Variants in PPARGC1A observed in about 807,000 individuals in gnomAD.
The protein encoded by PPARGC1A is PPARG coactivator 1 alpha, also known as peroxisome proliferator-activated receptor gamma coactivator 1-alpha.
A neutral mutation model predicts 88.7 loss-of-function variants in PPARGC1A; 25 were observed. That is an observed-to-expected ratio of 0.28 (90% CI 0.21 to 0.39). The LOEUF is 0.39. PPARGC1A is among the 10% of genes least tolerant of loss of function. The pLI, the probability that PPARGC1A is intolerant of heterozygous loss-of-function variation, is 1.00. For missense variants in PPARGC1A, 880 were observed against 968.7 expected, an observed-to-expected ratio of 0.91 and a Z score of 1.22; for synonymous variants, 363 against 355.6, an observed-to-expected ratio of 1.02 and a Z score of -0.24.
chr4:24,091,809 G>A, the PPARGC1A span, among the ~76,000 whole-genome samples: 3 of 152,042 alleles, frequency 2.0e-5, no homozygotes, highest in East Asian at 3.9e-4. Context: ...CAGGGCCGGT[G>A]GACAATGGGT....
At chr4:24,356,086 A>T in the PPARGC1A span, among the ~76,000 whole-genome samples, 6 of 151,882 alleles carry the variant, frequency 4.0e-5, no homozygotes, top group African/African-American at 1.5e-4. Context: ...AATCCCAGCT[A>T]CTCAGGAGGC....
chr4:23,983,441 C>T, the PPARGC1A span, among the ~76,000 whole-genome samples: 1 of 152,112 alleles, frequency 6.6e-6, no homozygotes, highest in African/African-American at 2.4e-5. Flanking sequence ...GCAGCAACAA[C>T]TCATGCTGGA....
chr4:24,226,711 C>A, the PPARGC1A span, among the ~76,000 whole-genome samples: 2 of 152,210 alleles, frequency 1.3e-5, no homozygotes, highest in African/African-American at 4.8e-5. Flanking sequence ...GCAAGTCACA[C>A]AACCTGCCAG....
the PPARGC1A span, among the ~76,000 whole-genome samples, chr4:24,270,279 A>T: frequency 1.3e-5 from 2 of 151,746 alleles, no homozygotes; most frequent in African/African-American, 4.8e-5. Flanking sequence ...TGACAATCAC[A>T]TAAGTCAATC....
the PPARGC1A span, among the ~76,000 whole-genome samples, chr4:24,294,227 T>C: frequency 1.3e-5 from 2 of 152,150 alleles, no homozygotes; most frequent in Non-Finnish European, 2.9e-5. Context: ...TTTGTGAAAA[T>C]TTAATGTGAT....
the PPARGC1A span, among the ~76,000 whole-genome samples, chr4:24,007,654 G>A: frequency 1.3e-5 from 2 of 152,132 alleles, no homozygotes; most frequent in African/African-American, 4.8e-5. Flanking sequence ...CACATCCCTG[G>A]AGCCCAAAGA....
chr4:24,278,279 C>G, the PPARGC1A span, among the ~76,000 whole-genome samples: 3 of 152,090 alleles, frequency 2.0e-5, no homozygotes, highest in Non-Finnish European at 2.9e-5. Flanking sequence ...TACAATGTAC[C>G]AAGCATAATT....
At chr4:24,251,841 C>T in the PPARGC1A span, among the ~76,000 whole-genome samples, 1 of 152,190 alleles carries the variant, frequency 6.6e-6, no homozygotes, top group Admixed American at 6.5e-5. Flanking sequence ...GAGTTCATTA[C>T]AGTGTCCAAC....
At chr4:24,385,358 C>A in the PPARGC1A span, among the ~76,000 whole-genome samples, 8 of 152,042 alleles carry the variant, frequency 5.3e-5, no homozygotes, top group Non-Finnish European at 1.2e-4. Flanking sequence ...CAAACAAATT[C>A]AAAAGCTAGC....
the PPARGC1A span, among the ~76,000 whole-genome samples, chr4:24,403,472 TAGAATTGC>T: frequency 6.6e-6 from 1 of 152,194 alleles, no homozygotes; most frequent in Admixed American, 6.5e-5. Context: ...TCCCCAGATT[TAGAATTGC>T]AGAATTGCAG....
the PPARGC1A span, among the ~76,000 whole-genome samples, chr4:24,027,249 G>GTGTGTGTGTGTGTGTGTGTA: frequency 1.3e-5 from 2 of 149,396 alleles, no homozygotes; most frequent in Non-Finnish European, 1.5e-5. Context: ...GTGTGTGTGC[G>GTGTGTGTGTGTGTGTGTGTA]TGCATATTTT....
chr4:24,345,788 A>C, the PPARGC1A span, among the ~76,000 whole-genome samples: 1 of 151,982 alleles, frequency 6.6e-6, no homozygotes, highest in Non-Finnish European at 1.5e-5. Context: ...CTCTTGCCTG[A>C]TTGCTCTGGT....
the PPARGC1A span, among the ~76,000 whole-genome samples, chr4:23,974,817 T>TTTTTTTTTTTTTTTTTTTTTTTTTG: frequency 7.3e-6 from 1 of 137,416 alleles, no homozygotes. Flanking sequence ...TTTTTTTTTT[T>TTTTTTTTTTTTTTTTTTTTTTTTTG]TTTTTTTTTT....
the PPARGC1A span, among the ~76,000 whole-genome samples, chr4:24,248,052 C>T: frequency 2.0e-5 from 3 of 152,182 alleles, no homozygotes; most frequent in Non-Finnish European, 4.4e-5. Flanking sequence ...CACCCTTGGT[C>T]TGCGGCTGCA....
At chr4:23,840,805 G>A (rs1726935068) in intron 2 of PPARGC1A, among the ~76,000 whole-genome samples, 1 of 152,036 alleles carries the variant, frequency 6.6e-6, no homozygotes, top group African/African-American at 2.4e-5. Flanking sequence ...TGTTGTTGTT[G>A]TTATTTTCTT....
chr4:24,147,085 G>A, the PPARGC1A span, among the ~76,000 whole-genome samples: 20 of 152,124 alleles, frequency 1.3e-4, no homozygotes, highest in African/African-American at 4.1e-4. Context: ...AGGTGAACAG[G>A]TATCTAGTTT....
At chr4:23,994,048 T>C in the PPARGC1A span, among the ~76,000 whole-genome samples, 1 of 152,178 alleles carries the variant, frequency 6.6e-6, no homozygotes, top group African/African-American at 2.4e-5. Flanking sequence ...GTAATGTGAA[T>C]TGGAAATAAA....
At chr4:24,031,095 C>A in the PPARGC1A span, among the ~76,000 whole-genome samples, 1 of 152,108 alleles carries the variant, frequency 6.6e-6, no homozygotes, top group Non-Finnish European at 1.5e-5. Context: ...CATTGACAAG[C>A]AGAGACTTGC....
chr4:24,161,495 C>A, the PPARGC1A span, among the ~76,000 whole-genome samples: 1 of 152,084 alleles, frequency 6.6e-6, no homozygotes, highest in African/African-American at 2.4e-5. Flanking sequence ...CTTGCAGCCC[C>A]CAAACCCCAG....
Sources: gnomAD v4.1 joint callset for allele counts (sites outside exome capture counted in the v4.1 genomes callset) on GRCh38, gnomAD v4.1.1 for gene constraint, MANE v1.5 for transcripts, NCBI Gene and HGNC (gene_info 2026-07-23, HGNC 2026-07-21) for gene names.